The following TNFAIP2 variants were observed in gnomAD, a reference collection of about 807,000 sequenced individuals.
The protein encoded by TNFAIP2 is TNF alpha induced protein 2.
Under a neutral mutation model 63.5 loss-of-function variants are expected in TNFAIP2, and 47 were observed. The observed-to-expected ratio is 0.74, with a 90% CI of 0.59 to 0.94. TNFAIP2 has a LOEUF of 0.94. TNFAIP2 is among the 40% of genes least tolerant of loss of function. The pLI is 0.00. For missense variants in TNFAIP2, 787 were observed against 850.2 expected (o/e 0.93, Z 0.92); for synonymous variants, 405 against 390.2 (o/e 1.04, Z -0.45).
chr14:103,121,614 A>G (rs1891104687), upstream of TNFAIP2, among the ~76,000 whole-genome samples: 1 of 152,152 alleles, frequency 6.6e-6, no homozygotes, highest in Admixed American at 6.5e-5. Context: ...GTTACCATTG[A>G]CCCTCATGCC....
At chr14:103,121,652 G>A (rs1314164662), upstream of TNFAIP2, among the ~76,000 whole-genome samples, 1 of 152,214 alleles carries the variant, frequency 6.6e-6, no homozygotes, top group African/African-American at 2.4e-5. Flanking sequence ...AGTGACTGGT[G>A]CAGACACAAG....
chr14:103,124,010 T>C (rs879713298), intron 1 of TNFAIP2, 59 bp downstream of exon 1: 1 of 152,458 alleles, frequency 6.6e-6, no homozygotes, highest in Non-Finnish European at 1.5e-5. Flanking sequence ...GTTGAGCCAC[T>C]GGCTGTGACC....
chr14:103,133,718 A>T lies in TNFAIP2; in HGVS notation c.1738A>T (p.Thr580Ser), dbSNP rs1469177907. 6 of 1,594,624 alleles carry T rather than the reference A, an allele frequency of 3.8e-6. No individual in the cohort carries two copies. The highest frequency in any genetic ancestry group is 5.1e-6 in the Non-Finnish European group (6 of 1,175,090). ...GACCTGGCTGCAGCCTGCTCTCCCT[A>T]CGCTGGCCGAGATCATTCGCCTGCA... ...PATWLQPALP[T>S]LAEIIRLQDP... is the part of the protein sequence containing the mutation. Residue 580 changes from threonine to serine, a missense_variant, in exon 11 of 12, where the codon ACG becomes TCG. By Grantham distance (58) the Thr-to-Ser change is moderately conservative (BLOSUM62 1). Around this residue, in one of 3 missense-constraint regions of TNFAIP2, gnomAD observed 523 missense variants for 604.1 expected, o/e 0.87. Coordinates refer to ENST00000560869, the MANE Select transcript of TNFAIP2 (RefSeq NM_006291.4).
rs769122005 is a variant in TNFAIP2, at chr14:103,129,992, C to T, written c.976-10C>T. 2 of 1,611,106 alleles carry T rather than the reference C, an allele frequency of 1.2e-6. No homozygotes were observed. Among genetic ancestry groups the T allele is most frequent in the South Asian group, 2.2e-5 (2 of 91,024 alleles). On this transcript the variant is annotated splice_polypyrimidine_tract_variant and intron_variant, in intron 4 of 11. Coordinates refer to ENST00000560869, the MANE Select transcript of TNFAIP2 (RefSeq NM_006291.4). The stretch of plus-strand genomic sequence containing the variant: ...GATAGTGCCCCAGTGACCTGCCCCT[C>T]CTCCTCCAGGCCAATGTGAGGGAGT...
intron 2 of TNFAIP2, 108 bp from the exon 3 acceptor site, chr14:103,126,897 C>A: frequency 7.1e-7 from 1 of 1,403,076 alleles, no homozygotes; most frequent in Non-Finnish European, 9.3e-7. Context: ...AGGGTGTTGG[C>A]CGCCGGCCCT....
At chr14:103,122,764 C>T (rs1891159692), upstream of TNFAIP2, 1 of 455,086 alleles carries the variant, frequency 2.2e-6, no homozygotes, top group Non-Finnish European at 4.4e-6. Flanking sequence ...CAGCCCCAGC[C>T]CCAGAGGGGG....
rs149858237 is a variant in TNFAIP2 at position 103,130,106 on chromosome 14, G to A, written c.1080G>A (p.Leu360=). The A allele has an allele frequency of 2.6e-5, 42 of 1,613,266 alleles. No homozygotes were observed. The African/African-American group carries it at 5.5e-4, about 21-fold the overall frequency. Residue 360 remains leucine (L), a synonymous_variant, in exon 5 of 12, where the codon CTG becomes CTA. Coordinates refer to ENST00000560869, the MANE Select transcript of TNFAIP2 (RefSeq NM_006291.4). ...QRLDGHCHSE[L]AIDIIQITSQ... ...TGGACGGCCACTGCCACAGCGAGCT[G>A]GCCATCGACATCATCCAGGTACTGC... is the stretch of plus-strand genomic sequence containing the variant.
rs925883731 is a variant in TNFAIP2 at position 103,127,021 on chromosome 14, G to C, written c.252G>C (p.Ala84=). The C allele has an allele frequency of 8.5e-7, 1 of 1,182,142 alleles. No homozygotes were observed. The highest frequency in any genetic ancestry group is 1.6e-5 in the African/African-American group (1 of 60,672). 73.2% of individuals were successfully genotyped at this position (1,182,142 alleles called of 1,614,324 possible). Residue 84 remains alanine, a synonymous_variant, in exon 3 of 12, where the codon GCG becomes GCC. Transcript: ENST00000560869. This position sits in a 1 kb window ranked among gnomAD's most constrained non-coding sequence, Gnocchi z 5.1. ...CCGGCGCAGTGGAGGAGCTGAAGGC[G>C]GCGCTGGAGCGCGGGCAGCTGGAGG... ...GPPPTVEELK[A]ALERGQLEAA... is the part of the protein sequence containing the mutation.
intron 6 of TNFAIP2, among the ~76,000 whole-genome samples, chr14:103,130,702 C>T (rs8176363): frequency 0.018 from 2,780 of 152,256 alleles, 79 homozygotes; most frequent in African/African-American, 0.064. Context: ...ACTGAGACCC[C>T]GCCACCCCTT....
In TNFAIP2 at chr14:103,135,584, G is replaced by A; in HGVS notation, c.*224G>A. The A allele has an allele frequency of 3.5e-6, 5 of 1,412,114 alleles. No individual in the cohort carries two copies. The highest frequency in any genetic ancestry group is 4.6e-6 in the Non-Finnish European group (5 of 1,085,300). The allele number at this position is 1,412,114 out of a possible 1,614,324, so 87.5% of individuals were successfully genotyped here. On this transcript the variant is annotated 3_prime_UTR_variant, in exon 12 of 12. Transcript: ENST00000560869. This position sits in a 1 kb window ranked among gnomAD's most constrained non-coding sequence, Gnocchi z 7.6. ...GGGGCAGGAGCTCCCATCCTGGGCA[G>A]CCAACCAGGCAACACCAAGGACTCT...
rs754149178 is a variant in TNFAIP2 at position 103,127,579 on chromosome 14, C to T, written c.810C>T (p.Cys270=). Residue 270 remains cysteine (C), a synonymous_variant, in exon 3 of 12, where the codon TGC becomes TGT. Coordinates refer to ENST00000560869, the MANE Select transcript of TNFAIP2 (RefSeq NM_006291.4). This position sits in a 1 kb window ranked among gnomAD's most constrained non-coding sequence, Gnocchi z 5.1. ...CCGCCGTGGCGCAGTTCGAGCTGTG[C>T]GAGCGCGACACCTACATGCTGCTGC... ...HLAAVAQFEL[C]ERDTYMLLLW... 6 of 1,560,726 alleles carry T rather than the reference C, an allele frequency of 3.8e-6. No homozygotes were observed. The highest frequency in any genetic ancestry group is 1.8e-5 in the Admixed American group (1 of 54,604).
chr14:103,135,780 G>T lies in TNFAIP2; in HGVS notation c.*420G>T. On this transcript the variant is annotated 3_prime_UTR_variant, in exon 12 of 12. Transcript: ENST00000560869. The surrounding 1 kb of genome is among the most constrained non-coding windows in gnomAD (Gnocchi z 7.6). Reference sequence around the variant, plus strand: ...CCTCTTCAGCTCTCTGGAGACAGGGGCCGAGCCTCACCCATCTGCCCTCTG... The same window carrying T: ...CCTCTTCAGCTCTCTGGAGACAGGGTCCGAGCCTCACCCATCTGCCCTCTG... 1 of 1,291,952 alleles carries T rather than the reference G, an allele frequency of 7.7e-7. No homozygotes were observed. Among genetic ancestry groups the T allele is most frequent in the Non-Finnish European group, 1.0e-6 (1 of 991,618 alleles). 80.0% of individuals were successfully genotyped at this position (1,291,952 alleles called of 1,614,324 possible). A position where few individuals can be genotyped will look rare whatever the true frequency, so the allele number is the denominator to read the frequency against.
Position 103,129,213 on chromosome 14 carries a change from C to T in TNFAIP2, c.861-527C>T, listed in dbSNP as rs142386615. 4.6e-5 allele frequency among the ~76,000 whole-genome samples: 7 copies of T among 152,328 alleles called. No individual in the cohort carries two copies. In the East Asian group the frequency reaches 1.4e-3, roughly 29 times the overall value. ...GCCGGGGCTGGTGAGATGCCCAAGA[C>T]CTGCAGGGCTGGAGCGCAGTGGGCT... On this transcript the variant is annotated intron_variant, in intron 3 of 11. Coordinates refer to ENST00000560869, the MANE Select transcript of TNFAIP2 (RefSeq NM_006291.4).
chr14:103,135,256 A>G lies in TNFAIP2; in HGVS notation c.1861A>G (p.Asn621Asp). 2 of 1,613,986 alleles carry G rather than the reference A, an allele frequency of 1.2e-6. No individual in the cohort carries two copies. Among genetic ancestry groups the G allele is most frequent in the African/African-American group, 2.7e-5 (2 of 75,030 alleles). Residue 621 changes from asparagine (N) to aspartate (D), a missense_variant, in exon 12 of 12, where the codon AAC becomes GAC. Around this residue, in one of 3 missense-constraint regions of TNFAIP2, gnomAD observed 523 missense variants for 604.1 expected, o/e 0.87. Coordinates refer to ENST00000560869, the MANE Select transcript of TNFAIP2 (RefSeq NM_006291.4). This position sits in a 1 kb window ranked among gnomAD's most constrained non-coding sequence, Gnocchi z 7.6. ...GAGCGCTATCCTGGCCATCAAGGGG[A>G]ACCTATCCAACAGTGAGGTCAAGCG... ...HLSAILAIKG[N>D]LSNSEVKRIR... is the part of the protein sequence containing the mutation.
In TNFAIP2 at chr14:103,133,684, C is replaced by T. The variant is rs2229728; in HGVS notation, c.1704C>T (p.Gly568=). ...DTIQHFCTQH[G]SPATWLQPAL... is the part of the protein sequence containing the mutation. Reference sequence around the variant, plus strand: ...TCCAACCACACCCACTCCTGCAGGGCTCCCCGGCGACCTGGCTGCAGCCTG... The same window carrying T: ...TCCAACCACACCCACTCCTGCAGGGTTCCCCGGCGACCTGGCTGCAGCCTG... Residue 568 remains glycine, a splice_region_variant and synonymous_variant, in exon 11 of 12, where the codon GGC becomes GGT. Coordinates refer to ENST00000560869, the MANE Select transcript of TNFAIP2 (RefSeq NM_006291.4). 7,015 of 1,563,190 alleles carry T rather than the reference C, an allele frequency of 4.5e-3. 263 individuals are homozygous for T. The African/African-American group carries it at 0.086, about 19-fold the overall frequency.
chr14:103,131,592 T>C lies in TNFAIP2; in HGVS notation c.1299-47T>C. ...CTGTCTGGCTCCCTGGGTATGGGGC[T>C]ATAGGCTGAGCAGGGCTGGGGTGAC... On this transcript the variant is annotated intron_variant, in intron 7 of 11. Transcript: ENST00000560869. This position sits in a 1 kb window ranked among gnomAD's most constrained non-coding sequence, Gnocchi z 4.0. 6.4e-7 allele frequency: 1 copy of C among 1,551,760 alleles called. No homozygotes were observed. The highest frequency in any genetic ancestry group is 8.7e-7 in the Non-Finnish European group (1 of 1,152,848).
Position 103,127,370 on chromosome 14 carries a change from C to T in TNFAIP2, c.601C>T (p.Arg201Cys), listed in dbSNP as rs1468385448. Residue 201 changes from arginine (R) to cysteine (C), a missense_variant, in exon 3 of 12, where the codon CGC (arginine) becomes TGC (cysteine). Physicochemically the swap from Arg to Cys is radical, Grantham distance 180. Coordinates refer to ENST00000560869, the MANE Select transcript of TNFAIP2 (RefSeq NM_006291.4). This position sits in a 1 kb window ranked among gnomAD's most constrained non-coding sequence, Gnocchi z 5.1. Reference sequence around the variant, plus strand: ...CGGCGTGGCGGAGGCGGCCGAGGAGCGCATGGGCCAGCGGCCGGCCGCGGG... The same window carrying T: ...CGGCGTGGCGGAGGCGGCCGAGGAGTGCATGGGCCAGCGGCCGGCCGCGGG... ...RRGVAEAAEE[R>C]MGQRPAAGAE... 1 of 1,505,392 alleles carries T rather than the reference C, an allele frequency of 6.6e-7. No homozygotes were observed. Among genetic ancestry groups the T allele is most frequent in the Non-Finnish European group, 8.8e-7 (1 of 1,132,232 alleles). 93.3% of individuals were successfully genotyped at this position (1,505,392 alleles called of 1,614,324 possible).
Position 103,131,509 on chromosome 14 carries a change from G to A in TNFAIP2, c.1299-130G>A, listed in dbSNP as rs781502907. ...GAGGGCATGGAGAACATGGATGGGA[G>A]GACTTGATCCCATAGAGAATGGGGA... On this transcript the variant is annotated intron_variant, in intron 7 of 11. Coordinates refer to ENST00000560869, the MANE Select transcript of TNFAIP2 (RefSeq NM_006291.4). This position sits in a 1 kb window ranked among gnomAD's most constrained non-coding sequence, Gnocchi z 4.0. 1.0e-4 allele frequency: 128 copies of A among 1,282,318 alleles called. No individual in the cohort carries two copies. In the Middle Eastern group the frequency reaches 1.7e-3, roughly 17 times the overall value. 79.4% of individuals were successfully genotyped at this position (1,282,318 alleles called of 1,614,324 possible).
chr14:103,122,049 A>C (rs1394603275), upstream of TNFAIP2, among the ~76,000 whole-genome samples: 1 of 152,120 alleles, frequency 6.6e-6, no homozygotes, highest in Non-Finnish European at 1.5e-5. Flanking sequence ...GTGCCGGTGG[A>C]AGGACCCTCC....
Sources: gnomAD v4.1 joint callset for allele counts (sites outside exome capture counted in the v4.1 genomes callset) on GRCh38, gnomAD v4.1.1 for gene constraint, gnomAD v4.1.1 regional missense constraint, Gnocchi (gnomAD v3.1) non-coding constraint, MANE v1.5 for transcripts, NCBI Gene and HGNC (gene_info 2026-07-23, HGNC 2026-07-21) for gene names.